Variants in NDUFA10 observed in about 807,000 individuals in gnomAD.
NDUFA10 encodes the protein NADH:ubiquinone oxidoreductase subunit A10.
In NDUFA10, 40 loss-of-function variants were observed where a neutral mutation model predicts 47.8. The ratio of observed to expected loss-of-function variants is 0.84; its 90% CI spans 0.65 to 1.09. The LOEUF (loss-of-function observed/expected upper bound fraction) is 1.09, where lower values mean the gene tolerates loss of function less well. Ranked by LOEUF, NDUFA10 falls within the 50% of genes least tolerant of loss-of-function variation. The pLI is 0.00. For synonymous variants in NDUFA10, 183 were observed against 172.2 expected (o/e 1.06, Z -0.49); for missense variants, 413 against 451.1 (o/e 0.92, Z 0.76).
intron 9 of NDUFA10, among the ~76,000 whole-genome samples, chr2:239,979,644 C>G (rs904493753): frequency 6.6e-6 from 1 of 152,152 alleles, no homozygotes; most frequent in African/African-American, 2.4e-5. Flanking sequence ...CCAGCACTCT[C>G]ACCTGCACCA....
intron 4 of NDUFA10, among the ~76,000 whole-genome samples, chr2:239,934,963 G>A (rs1166453145): frequency 6.6e-6 from 1 of 152,156 alleles, no homozygotes; most frequent in East Asian, 1.9e-4. Context: ...CCACCAGCCT[G>A]GCCCTCCCCA....
rs1432119605 is a variant in NDUFA10 at position 240,016,516 on chromosome 2, GC to G, written c.548-1657del. On this transcript the variant is annotated intron_variant, in intron 4 of 9. Coordinates refer to ENST00000252711, the MANE Select transcript of NDUFA10 (RefSeq NM_004544.4). This position sits in a 1 kb window ranked among gnomAD's most constrained non-coding sequence, Gnocchi z 4.4. ...CAAACGACTCTGGCTAACATCACCA[GC>G]CCCCGAAAGGTGAAACGTGACAGTC... 6.6e-6 allele frequency among the ~76,000 whole-genome samples: 1 copy of G among 152,084 alleles called. No individual in the cohort carries two copies. Among genetic ancestry groups the G allele is most frequent in the Non-Finnish European group, 1.5e-5 (1 of 68,004 alleles).
intron 4 of NDUFA10, among the ~76,000 whole-genome samples, chr2:239,929,922 C>T (rs1446907625): frequency 3.4e-5 from 5 of 149,120 alleles, no homozygotes; most frequent in African/African-American, 7.6e-5. Flanking sequence ...CCTCCACTGC[C>T]CCTGCTCCTC....
At chr2:239,967,228 C>T (rs1695111607) in intron 9 of NDUFA10, among the ~76,000 whole-genome samples, 1 of 152,244 alleles carries the variant, frequency 6.6e-6, no homozygotes, top group Admixed American at 6.5e-5. Flanking sequence ...GCTGCTTACA[C>T]TTCGGGGCTG....
chr2:239,917,412 T>C (rs917160391), intron 4 of NDUFA10, among the ~76,000 whole-genome samples: 2 of 152,228 alleles, frequency 1.3e-5, no homozygotes, highest in African/African-American at 2.4e-5. Flanking sequence ...TATGAGTTTA[T>C]AGATTCCTGT....
At chr2:239,994,340 G>A (rs1696381522) in intron 8 of NDUFA10, among the ~76,000 whole-genome samples, 1 of 151,882 alleles carries the variant, frequency 6.6e-6, no homozygotes. Context: ...TCAGACCAGG[G>A]CAGCATGAGA....
Position 240,016,823 on chromosome 2 carries a change from A to G in NDUFA10, c.547+1730T>C, listed in dbSNP as rs889020360. 2.6e-5 allele frequency among the ~76,000 whole-genome samples: 4 copies of G among 152,150 alleles called. No individual in the cohort carries two copies. The East Asian group carries it at 7.7e-4, about 29-fold the overall frequency. ...TCAGACTTCAGCAGACACTCAGCAG[A>G]TGCCGACAGGTATCTCCTGCCACCT... On this transcript the variant is annotated intron_variant, in intron 4 of 9. Transcript: ENST00000252711. The surrounding 1 kb of genome is among the most constrained non-coding windows in gnomAD (Gnocchi z 4.4).
chr2:239,918,299 C>A lies in NDUFA10; in HGVS notation c.295-22985G>T, dbSNP rs549173251. 4.1e-4 allele frequency among the ~76,000 whole-genome samples: 63 copies of A among 152,326 alleles called. 1 individual carries two copies. Among genetic ancestry groups the A allele is most frequent in the African/African-American group, 1.5e-3 (63 of 41,574 alleles). The stretch of plus-strand genomic sequence containing the variant: ...CCTGGGCAGCAACAGGCCAGGGAGG[C>A]CCTCACCAAGGAGGACTGGACACTG... On this transcript the variant is annotated intron_variant, in intron 4 of 5. Coordinates refer to the NDUFA10 transcript ENST00000419408.
chr2:239,981,969 G>T, intron 9 of NDUFA10: 1 of 1,010,348 alleles, frequency 9.9e-7, no homozygotes. Flanking sequence ...AAGAACCACT[G>T]CCATGAAAAG....
intron 4 of NDUFA10, among the ~76,000 whole-genome samples, chr2:239,912,004 A>G (rs1321302609): frequency 6.6e-6 from 1 of 152,132 alleles, no homozygotes; most frequent in Admixed American, 6.5e-5. Flanking sequence ...TCTAGCAGGC[A>G]CCAGCTGCAT....
chr2:240,005,330 C>A, intron 7 of NDUFA10, 35 bp from the exon 8 acceptor site: 2 of 1,538,294 alleles, frequency 1.3e-6, no homozygotes, highest in Non-Finnish European at 1.8e-6. Context: ...AAACAGAGAA[C>A]CCCATTTTAG....
At chr2:240,008,913 C>T (rs921518345) in intron 6 of NDUFA10, among the ~76,000 whole-genome samples, 12 of 152,198 alleles carry the variant, frequency 7.9e-5, no homozygotes, top group African/African-American at 2.4e-4. Flanking sequence ...AAACCGCCTC[C>T]GTCCAGTCAC....
intron 4 of NDUFA10, among the ~76,000 whole-genome samples, chr2:239,951,229 C>T (rs1694545709): frequency 2.6e-5 from 4 of 152,176 alleles, no homozygotes; most frequent in South Asian, 2.1e-4. Context: ...CGATGGGACC[C>T]GGGGTGCCCA....
rs1696053289 is a variant in NDUFA10, at chr2:239,987,632, A to C, written c.999+2442T>G. 6.6e-6 allele frequency among the ~76,000 whole-genome samples: 1 copy of C among 152,260 alleles called. No homozygotes were observed. Among genetic ancestry groups the C allele is most frequent in the South Asian group, 2.1e-4 (1 of 4,834 alleles). On this transcript the variant is annotated intron_variant, in intron 9 of 9. Coordinates refer to ENST00000252711, the MANE Select transcript of NDUFA10 (RefSeq NM_004544.4). The surrounding 1 kb of genome is among the most constrained non-coding windows in gnomAD (Gnocchi z 4.8). ...TGATCAAATAAAGACCATTTTAAAA[A>C]ATAAGTGTGAGAATTTAGTATTAGC...
In NDUFA10 at chr2:239,919,567, G is replaced by T. The variant is rs543177518; in HGVS notation, c.295-24253C>A. On this transcript the variant is annotated intron_variant, in intron 4 of 5. Coordinates refer to the NDUFA10 transcript ENST00000419408. ...CAGCCTTAAGGCTCATACAGAAACA[G>T]ATTCACCAAAACACCTGCAGTGCCC... is the stretch of plus-strand genomic sequence containing the variant. 3.3e-5 allele frequency among the ~76,000 whole-genome samples: 5 copies of T among 152,294 alleles called. No individual in the cohort carries two copies. In the South Asian group the frequency reaches 1.0e-3, roughly 32 times the overall value.
intron 4 of NDUFA10, among the ~76,000 whole-genome samples, chr2:239,950,913 T>C (rs1315864017): frequency 6.6e-6 from 1 of 152,224 alleles, no homozygotes; most frequent in Admixed American, 6.5e-5. Context: ...CTCCCATGAC[T>C]GCTTCAAAGA....
chr2:239,941,213 C>T (rs1009713623), intron 4 of NDUFA10, among the ~76,000 whole-genome samples: 16 of 152,164 alleles, frequency 1.1e-4, no homozygotes, highest in African/African-American at 2.2e-4. Context: ...TGCAAACACA[C>T]GAAACAACAC....
At chr2:239,899,622 T>C (rs1693505339) in intron 4 of NDUFA10, among the ~76,000 whole-genome samples, 1 of 151,988 alleles carries the variant, frequency 6.6e-6, no homozygotes, top group Non-Finnish European at 1.5e-5. Flanking sequence ...AGTCTCCAAC[T>C]CAACAAAGTC....
intron 4 of NDUFA10, among the ~76,000 whole-genome samples, chr2:239,937,351 C>G (rs1694282109): frequency 6.6e-6 from 1 of 152,180 alleles, no homozygotes; most frequent in African/African-American, 2.4e-5. Flanking sequence ...ATGCCTCATG[C>G]CCATGGACAG....
Sources: allele counts gnomAD v4.1 joint callset (sites outside exome capture counted in the v4.1 genomes callset), GRCh38; gene constraint gnomAD v4.1.1; non-coding constraint Gnocchi (gnomAD v3.1); transcripts MANE v1.5; gene names NCBI Gene and HGNC (gene_info 2026-07-23, HGNC 2026-07-21).